Variants in POM121L2 observed in about 807,000 individuals in gnomAD.
POM121L2 encodes the protein POM121-like protein 2.
For missense variants in POM121L2, 1,167 were observed against 1,260.3 expected, an observed-to-expected ratio of 0.93 and a Z score of 1.12; for synonymous variants, 459 against 483.8, an observed-to-expected ratio of 0.95 and a Z score of 0.67.
Position 27,310,222 on chromosome 6 carries a change from C to A in POM121L2, c.1949G>T (p.Ser650Ile). 6.4e-7 allele frequency: 1 copy of A among 1,552,356 alleles called. No homozygotes were observed. Among genetic ancestry groups the A allele is most frequent in the Non-Finnish European group, 8.7e-7 (1 of 1,147,126 alleles). ...PLDFGVVNVT[S>I]AVGNTYSVPS... ...GACAGAATAAGTGTTGCCTACGGCACTGGTGACATTCACTACACCAAAATC... is the reference window on the plus strand; with the variant it reads ...GACAGAATAAGTGTTGCCTACGGCAATGGTGACATTCACTACACCAAAATC... The change falls in exon 1 of 1, where the codon AGT (serine) becomes ATT (isoleucine). Residue 650 changes from serine (S) to isoleucine (I), a missense_variant. Ser to Ile is a moderately radical substitution (Grantham distance 142). Coordinates refer to ENST00000444565, the MANE Select transcript of POM121L2 (RefSeq NM_033482.4).
chr6:27,311,223 C>A lies in POM121L2; in HGVS notation c.948G>T (p.Gln316His). 2 of 1,551,882 alleles carry A rather than the reference C, an allele frequency of 1.3e-6. No individual in the cohort carries two copies. Among genetic ancestry groups the A allele is most frequent in the Non-Finnish European group, 1.7e-6 (2 of 1,147,036 alleles). The change falls in exon 1 of 1, where the codon CAG becomes CAT. Residue 316 changes from glutamine to histidine, a missense_variant. Transcript: ENST00000444565. ...ESLGGSESSG[Q>H]QNQKIPQLPS... The stretch of plus-strand genomic sequence containing the variant: ...GCAGCTGTGGAATCTTCTGGTTTTG[C>A]TGCCCAGAACTTTCAGATCCTCCTA...
chr6:27,310,496 C>T lies in POM121L2; in HGVS notation c.1675G>A (p.Ala559Thr). 6.4e-7 allele frequency: 1 copy of T among 1,552,298 alleles called. No individual in the cohort carries two copies. Among genetic ancestry groups the T allele is most frequent in the Non-Finnish European group, 8.7e-7 (1 of 1,147,126 alleles). The stretch of plus-strand genomic sequence containing the variant: ...GAAAGGGAAGAGATTGAAGATGCTG[C>T]AGCTGTGACTGAAATTCTGGAATAT... Reference protein sequence around the residue: ...SSYSRISVTAAASSISSLSTI... With the variant: ...SSYSRISVTATASSISSLSTI... Residue 559 changes from alanine (A) to threonine (T), a missense_variant, in exon 1 of 1, where the codon GCA becomes ACA. Ala to Thr is a moderately conservative substitution (Grantham distance 58). Coordinates refer to ENST00000444565, the MANE Select transcript of POM121L2 (RefSeq NM_033482.4).
At position 27,308,912 on chromosome 6, in the gene POM121L2, T is replaced by A. The variant is rs886188862; in HGVS notation, c.*151A>T. 6.2e-5 allele frequency: 43 copies of A among 697,614 alleles called. No homozygotes were observed. Among genetic ancestry groups the A allele is most frequent in the Admixed American group, 1.5e-4 (5 of 33,526 alleles). 43.2% of individuals were successfully genotyped at this position (697,614 alleles called of 1,614,324 possible). ...TAGATGGTTTAGTCCTTCACTTTCG[T>A]CAAGGATGTAGATTAGGACACACAG... On this transcript the variant is annotated 3_prime_UTR_variant, in exon 1 of 1. Transcript: ENST00000444565.
At position 27,311,876 on chromosome 6, in the gene POM121L2, T is replaced by C. The variant is rs189022879; in HGVS notation, c.295A>G (p.Ser99Gly). The change falls in exon 1 of 1, where the codon AGT (serine) becomes GGT (glycine). Residue 99 changes from serine (S) to glycine (G), a missense_variant. Physicochemically the swap from Ser to Gly is moderately conservative, Grantham distance 56 (BLOSUM62 0). Transcript: ENST00000444565. ...GACCAAATAGTCCGCTTTAAGTAAC[T>C]TTCCCACCAGTCTGAAGGGAGAGGC... is the stretch of plus-strand genomic sequence containing the variant. ...LGPLPSDWWE[S>G]YLKRTIWSLR... 3 of 1,551,738 alleles carry C rather than the reference T, an allele frequency of 1.9e-6. No homozygotes were observed. The highest frequency in any genetic ancestry group is 2.6e-6 in the Non-Finnish European group (3 of 1,146,994).
chr6:27,309,959 A>T lies in POM121L2; in HGVS notation c.2212T>A (p.Trp738Arg). 1 of 1,551,890 alleles carries T rather than the reference A, an allele frequency of 6.4e-7. No homozygotes were observed. The highest frequency in any genetic ancestry group is 8.7e-7 in the Non-Finnish European group (1 of 1,147,026). Residue 738 changes from tryptophan to arginine, a missense_variant, in exon 1 of 1, where the codon TGG becomes AGG. Coordinates refer to ENST00000444565, the MANE Select transcript of POM121L2 (RefSeq NM_033482.4). Reference protein sequence around the residue: ...LPASALVSTNWLASTPSISNL... With the variant: ...LPASALVSTNRLASTPSISNL... ...GAGATGCTGGGGGTTGATGCAAGCCAGTTTGTGGATACTAGGGCAGAGGCA... is the reference window on the plus strand; with the variant it reads ...GAGATGCTGGGGGTTGATGCAAGCCTGTTTGTGGATACTAGGGCAGAGGCA...
rs1237855265 is a variant in POM121L2 at position 27,310,541 on chromosome 6, T to G, written c.1630A>C (p.Ser544Arg). 1 of 1,552,216 alleles carries G rather than the reference T, an allele frequency of 6.4e-7. No individual in the cohort carries two copies. The highest frequency in any genetic ancestry group is 1.2e-5 in the South Asian group (1 of 84,062). The change falls in exon 1 of 1, where the codon AGC becomes CGC. Residue 544 changes from serine (S) to arginine (R), a missense_variant. Transcript: ENST00000444565. ...GAATATGAGGAGCTTCCAATCTCGC[T>G]GTTGTGCAGGGGCCCCAAAATCGGT... ...LKPILGPLHNSEIGSSSYSRI... is the reference protein window; with the variant it reads ...LKPILGPLHNREIGSSSYSRI...
chr6:27,309,433 C>A lies in POM121L2; in HGVS notation c.2738G>T (p.Ser913Ile), dbSNP rs41269257. The change falls in exon 1 of 1, where the codon AGC becomes ATC. Residue 913 changes from serine to isoleucine, a missense_variant. By Grantham distance (142) the Ser-to-Ile change is moderately radical (BLOSUM62 -2). Transcript: ENST00000444565. ...SGIIMTGPDM[S>I]PTSGAFSIGA... ...AATGCTGAAAGCTCCAGAGGTGGGG[C>A]TCATGTCTGGACCAGTCATTATGAT... 13,463 of 1,551,406 alleles carry A rather than the reference C, an allele frequency of 8.7e-3. 78 individuals are homozygous for A. Among genetic ancestry groups the A allele is most frequent in the Non-Finnish European group, 0.011 (12,071 of 1,146,842 alleles).
In POM121L2 at chr6:27,309,682, C is replaced by T. The variant is rs1278685238; in HGVS notation, c.2489G>A (p.Cys830Tyr). 41 of 1,551,620 alleles carry T rather than the reference C, an allele frequency of 2.6e-5. No individual in the cohort carries two copies. The highest frequency in any genetic ancestry group is 3.4e-5 in the Non-Finnish European group (39 of 1,147,030). The change falls in exon 1 of 1, where the codon TGT (cysteine) becomes TAT (tyrosine). Residue 830 changes from cysteine to tyrosine, a missense_variant. Cys to Tyr is a radical substitution (Grantham distance 194). Transcript: ENST00000444565. Reference sequence around the variant, plus strand: ...AGAGGTGGAGGCTGAGGGTGTCAAACACCCCAAGGCTGACTGTGTGGTACT... The same window carrying T: ...AGAGGTGGAGGCTGAGGGTGTCAAATACCCCAAGGCTGACTGTGTGGTACT... ...FISTTQSALG[C>Y]LTPSASTSQT...
chr6:27,309,710 T>C lies in POM121L2; in HGVS notation c.2461A>G (p.Ile821Val), dbSNP rs1198419386. ...PMPTPAQPAF[I>V]STTQSALGCL... ...CCCAAGGCTGACTGTGTGGTACTAA[T>C]GAAGGCTGGCTGAGCTGGAGTTGGC... is the stretch of plus-strand genomic sequence containing the variant. Residue 821 changes from isoleucine (I) to valine (V), a missense_variant, in exon 1 of 1, where the codon ATT becomes GTT. By Grantham distance (29) the Ile-to-Val change is conservative. Coordinates refer to ENST00000444565, the MANE Select transcript of POM121L2 (RefSeq NM_033482.4). 1 of 1,551,714 alleles carries C rather than the reference T, an allele frequency of 6.4e-7. No individual in the cohort carries two copies. The highest frequency in any genetic ancestry group is 1.2e-5 in the South Asian group (1 of 84,064).
rs1168401305 is a variant in POM121L2 at position 27,308,875 on chromosome 6, T to C, written c.*188A>G. Among the ~76,000 whole-genome samples, 1 of 152,210 alleles carries C rather than the reference T, an allele frequency of 6.6e-6. No homozygotes were observed. Among genetic ancestry groups the C allele is most frequent in the Non-Finnish European group, 1.5e-5 (1 of 68,036 alleles). Reference sequence around the variant, plus strand: ...GGTTTGGTTCCACCTGGCCTCAATCTGCAATCAGCACTAGATGGTTTAGTC... The same window carrying C: ...GGTTTGGTTCCACCTGGCCTCAATCCGCAATCAGCACTAGATGGTTTAGTC... On this transcript the variant is annotated 3_prime_UTR_variant, in exon 1 of 1. Transcript: ENST00000444565.
rs756779687 is a variant in POM121L2, at chr6:27,311,163, T to A, written c.1008A>T (p.Pro336=). The part of the protein sequence containing the change: ...SSPENLVSEI[P]PPQLGYAVSD... The stretch of plus-strand genomic sequence containing the variant: ...AGACTGCATAACCAAGCTGGGGAGG[T>A]GGGATCTCTGACACCAGGTTCTCAG... Residue 336 remains proline (P), a synonymous_variant, in exon 1 of 1, where the codon CCA becomes CCT. Coordinates refer to ENST00000444565, the MANE Select transcript of POM121L2 (RefSeq NM_033482.4). 126 of 1,551,650 alleles carry A rather than the reference T, an allele frequency of 8.1e-5. No homozygotes were observed. The highest frequency in any genetic ancestry group is 3.5e-6 in the Non-Finnish European group (4 of 1,147,048).
chr6:27,309,389 TC>T, intron 1 of POM121L2: 1 of 1,551,574 alleles, frequency 6.4e-7, no homozygotes, highest in Non-Finnish European at 8.7e-7. Context: ...GTGTTAGTGG[TC>T]CCACTAGGCA....
In POM121L2 at chr6:27,311,745, T is replaced by C; in HGVS notation, c.426A>G (p.Ala142=). 6.4e-7 allele frequency: 1 copy of C among 1,551,832 alleles called. No homozygotes were observed. The highest frequency in any genetic ancestry group is 8.7e-7 in the Non-Finnish European group (1 of 1,147,026). ...STSPEDVIAL[A]GLPPSEELAD... The stretch of plus-strand genomic sequence containing the variant: ...CGAGCTCCTCAGAGGGCGGGAGTCC[T>C]GCAAGGGCAATTACATCTTCAGGAG... The change falls in exon 1 of 1, where the codon GCA becomes GCG. Residue 142 remains alanine, a synonymous_variant. Coordinates refer to ENST00000444565, the MANE Select transcript of POM121L2 (RefSeq NM_033482.4).
rs751147837 is a variant in POM121L2 at position 27,311,127 on chromosome 6, G to A, written c.1044C>T (p.Asn348=). Reference sequence around the variant, plus strand: ...GCTCAGCTTTCTTCCCCAAAGTCAAGTTCTCATCAGAGACTGCATAACCAA... The same window carrying A: ...GCTCAGCTTTCTTCCCCAAAGTCAAATTCTCATCAGAGACTGCATAACCAA... The part of the protein sequence containing the change: ...PQLGYAVSDE[N]LTLGKKAELQ... Residue 348 remains asparagine, a synonymous_variant, in exon 1 of 1, where the codon AAC becomes AAT. Transcript: ENST00000444565. The A allele has an allele frequency of 2.6e-5, 40 of 1,551,752 alleles. 1 individual carries two copies. The East Asian group carries it at 3.4e-4, about 13-fold the overall frequency.
In POM121L2 at chr6:27,308,982, T is replaced by G; in HGVS notation, c.*81A>C. On this transcript the variant is annotated 3_prime_UTR_variant, in exon 1 of 1. Transcript: ENST00000444565. ...AGTTTTAGATCTGGAGTATGTTTAC[T>G]TTAGAAAATTGGAAGACACTGAGGT... 1 of 1,072,790 alleles carries G rather than the reference T, an allele frequency of 9.3e-7. No individual in the cohort carries two copies. The allele number at this position is 1,072,790 out of a possible 1,614,324, so 66.5% of individuals were successfully genotyped here. A position where few individuals can be genotyped will look rare whatever the true frequency, so the allele number is the denominator to read the frequency against.
At position 27,311,807 on chromosome 6, in the gene POM121L2, T is replaced by A. The variant is rs1209103550; in HGVS notation, c.364A>T (p.Ile122Phe). Residue 122 changes from isoleucine to phenylalanine, a missense_variant, in exon 1 of 1, where the codon ATC becomes TTC. Physicochemically the swap from Ile to Phe is conservative, Grantham distance 21. Coordinates refer to ENST00000444565, the MANE Select transcript of POM121L2 (RefSeq NM_033482.4). ...GGCACTCTCTGGTCAGGAGGAGTGATCCTGATGGTCACTGGGCTCCAAATT... is the reference window on the plus strand; with the variant it reads ...GGCACTCTCTGGTCAGGAGGAGTGAACCTGATGGTCACTGGGCTCCAAATT... ...RPIWSPVTIRITPPDQRVPPS... is the reference protein window; with the variant it reads ...RPIWSPVTIRFTPPDQRVPPS... 1.3e-6 allele frequency: 2 copies of A among 1,551,754 alleles called. No homozygotes were observed. The highest frequency in any genetic ancestry group is 1.2e-5 in the South Asian group (1 of 84,066).
Position 27,310,445 on chromosome 6 carries a change from T to C in POM121L2, c.1726A>G (p.Thr576Ala). The change falls in exon 1 of 1, where the codon ACC becomes GCC. Residue 576 changes from threonine to alanine, a missense_variant. By Grantham distance (58) the Thr-to-Ala change is moderately conservative. Transcript: ENST00000444565. ...ATGCTGCCAAAGATAGGCTTGAAGG[T>C]AGGAGTTAAGGTACCCTGAATTGTG... Reference protein sequence around the residue: ...LSTIQGTLTPTFKPIFGSIDP... With the variant: ...LSTIQGTLTPAFKPIFGSIDP... 1.3e-6 allele frequency: 2 copies of C among 1,552,122 alleles called. No homozygotes were observed. Among genetic ancestry groups the C allele is most frequent in the Non-Finnish European group, 8.7e-7 (1 of 1,147,074 alleles).
rs777024577 is a variant in POM121L2 at position 27,311,440 on chromosome 6, T to C, written c.731A>G (p.Tyr244Cys). Residue 244 changes from tyrosine to cysteine, a missense_variant, in exon 1 of 1, where the codon TAC (tyrosine) becomes TGC (cysteine). Tyr to Cys is a radical substitution (Grantham distance 194). Coordinates refer to ENST00000444565, the MANE Select transcript of POM121L2 (RefSeq NM_033482.4). ...CSSMSSLASIYRGGTLSSKRN... is the reference protein window; with the variant it reads ...CSSMSSLASICRGGTLSSKRN... ...TTTGGAGCTGAGGGTGCCACCTCTGTATATGCTGGCCAAGGAGCTCATGGA... is the reference window on the plus strand; with the variant it reads ...TTTGGAGCTGAGGGTGCCACCTCTGCATATGCTGGCCAAGGAGCTCATGGA... The C allele has an allele frequency of 2.4e-5, 38 of 1,551,692 alleles. No individual in the cohort carries two copies. The highest frequency in any genetic ancestry group is 3.2e-5 in the Non-Finnish European group (37 of 1,147,028).
chr6:27,309,390 C>A lies in POM121L2; in HGVS notation c.2781G>T (p.Gly927=), dbSNP rs1760712561. The change falls in exon 1 of 1, where the codon GGG becomes GGT. Residue 927 remains glycine, a synonymous_variant. Coordinates refer to ENST00000444565, the MANE Select transcript of POM121L2 (RefSeq NM_033482.4). ...CAAAGGGGATCATGGTGTTAGTGGT[C>A]CCACTAGGCAATGCTCCAATGCTGA... The part of the protein sequence containing the change: ...GAFSIGALPS[G]TTNTMIPFGK... 6.4e-7 allele frequency: 1 copy of A among 1,551,550 alleles called. No individual in the cohort carries two copies. The highest frequency in any genetic ancestry group is 8.7e-7 in the Non-Finnish European group (1 of 1,146,926).
Sources: gnomAD v4.1 joint callset for allele counts (sites outside exome capture counted in the v4.1 genomes callset) on GRCh38, gnomAD v4.1.1 for gene constraint, MANE v1.5 for transcripts, NCBI Gene and HGNC (gene_info 2026-07-23, HGNC 2026-07-21) for gene names.